KLHL12: variants seen among roughly 807,000 people sequenced by gnomAD.
KLHL12 encodes the protein kelch like family member 12.
KLHL12 carries 17 observed loss-of-function variants against 60.8 expected under a neutral mutation model. The ratio of observed to expected loss-of-function variants is 0.28; its 90% CI spans 0.19 to 0.42. KLHL12 has a LOEUF of 0.42. Ranked by LOEUF, KLHL12 falls within the 10% of genes least tolerant of loss-of-function variation. KLHL12 has a pLI of 1.00. For missense variants in KLHL12, 468 were observed against 722.3 expected, an observed-to-expected ratio of 0.65 and a Z score of 4.04; for synonymous variants, 220 against 250.9, an observed-to-expected ratio of 0.88 and a Z score of 1.16.
intron 2 of KLHL12, 32 bp downstream of exon 2, chr1:202,924,936 T>C (rs746191035): frequency 6.3e-7 from 1 of 1,595,520 alleles, no homozygotes; most frequent in Non-Finnish European, 8.5e-7. Context: ...GTTCCACGGG[T>C]TTCATTTGTG....
Position 202,893,485 on chromosome 1 carries a change from A to T in KLHL12, c.1394-60T>A, listed in dbSNP as rs544107965. ...ACTAAGCCTAGAATCTGAATTATAG[A>T]AATAAACTACGGTCACTAATGACTA... On this transcript the variant is annotated intron_variant, in intron 10 of 11. Coordinates refer to ENST00000367261, the MANE Select transcript of KLHL12 (RefSeq NM_021633.4). The surrounding 1 kb of genome is among the most constrained non-coding windows in gnomAD (Gnocchi z 4.1). 6.4e-6 allele frequency: 9 copies of T among 1,417,150 alleles called. No individual in the cohort carries two copies. The highest frequency in any genetic ancestry group is 8.8e-6 in the Non-Finnish European group (9 of 1,025,608). 87.8% of individuals were successfully genotyped at this position (1,417,150 alleles called of 1,614,324 possible). A position where few individuals can be genotyped will look rare whatever the true frequency, so the allele number is the denominator to read the frequency against.
chr1:202,905,949 T>A (rs543185396), intron 6 of KLHL12, among the ~76,000 whole-genome samples: 1 of 135,944 alleles, frequency 7.4e-6, no homozygotes, highest in South Asian at 2.6e-4. Context: ...GAACTACAGG[T>A]GCCCGCCACC....
intron 4 of KLHL12, among the ~76,000 whole-genome samples, chr1:202,911,576 T>C (rs1660361924): frequency 6.6e-6 from 1 of 152,092 alleles, no homozygotes; most frequent in Admixed American, 6.6e-5. Context: ...TCTATAACTT[T>C]AAGGAAGGCA....
Position 202,911,153 on chromosome 1 carries a change from A to G in KLHL12, c.618T>C (p.His206=), listed in dbSNP as rs562656502. 7.3e-5 allele frequency: 118 copies of G among 1,614,048 alleles called. No homozygotes were observed. The highest frequency in any genetic ancestry group is 9.6e-5 in the Non-Finnish European group (113 of 1,180,048). ...AGGATTCTTCCCGCTCTTTCTTGGC[A>G]TGCTTCACCCAGTTGATGACAGCCT... is the stretch of plus-strand genomic sequence containing the variant. ...VFEAVINWVK[H]AKKEREESLP... The change falls in exon 5 of 12, where the codon CAT becomes CAC. Residue 206 remains histidine (H), a synonymous_variant. Transcript: ENST00000367261.
intron 2 of KLHL12, 141 bp from the exon 3 acceptor site, chr1:202,920,049 C>T (rs1660638803): frequency 2.6e-6 from 2 of 759,956 alleles, no homozygotes; most frequent in African/African-American, 3.6e-5. Flanking sequence ...CGTGGTGGCT[C>T]ATGCCTGTAA....
At chr1:202,899,797 T>C (rs547090313) in intron 6 of KLHL12, among the ~76,000 whole-genome samples, 69 of 144,976 alleles carry the variant, frequency 4.8e-4, no homozygotes, top group African/African-American at 1.7e-3. Context: ...CACTCCAGAC[T>C]AGGCAACAGA....
chr1:202,916,542 G>A (rs1035225308), intron 4 of KLHL12, among the ~76,000 whole-genome samples: 3 of 152,204 alleles, frequency 2.0e-5, no homozygotes, highest in African/African-American at 7.2e-5. Context: ...TACCTGGGAG[G>A]CCGAGGCAGG....
rs1308286846 is a variant in KLHL12, at chr1:202,891,935, T to C, written c.*598A>G. The C allele has an allele frequency of 6.6e-6, 1 of 152,226 alleles. No homozygotes were observed. Among genetic ancestry groups the C allele is most frequent in the Non-Finnish European group, 1.5e-5 (1 of 68,056 alleles). The allele number at this position is 152,226 out of a possible 1,614,324, so 9.4% of individuals were successfully genotyped here. A position where few individuals can be genotyped will look rare whatever the true frequency, so the allele number is the denominator to read the frequency against. On this transcript the variant is annotated 3_prime_UTR_variant, in exon 12 of 12. Transcript: ENST00000367261. Reference sequence around the variant, plus strand: ...CTTAATTCTAACTTCAATTCTGATATACAAATCCTGACCTCCAAAAGAAGT... The same window carrying C: ...CTTAATTCTAACTTCAATTCTGATACACAAATCCTGACCTCCAAAAGAAGT...
At chr1:202,925,460 C>T (rs923601493) in intron 1 of KLHL12, among the ~76,000 whole-genome samples, 1 of 152,136 alleles carries the variant, frequency 6.6e-6, no homozygotes, top group African/African-American at 2.4e-5. Flanking sequence ...ATGATCAATG[C>T]TGAAATGTAA....
intron 5 of KLHL12, among the ~76,000 whole-genome samples, chr1:202,910,132 T>C (rs927356137): frequency 6.6e-6 from 1 of 152,224 alleles, no homozygotes; most frequent in African/African-American, 2.4e-5. Flanking sequence ...TTTCACATAG[T>C]AACTTACTCA....
At chr1:202,915,305 C>A (rs1475021821) in intron 4 of KLHL12, among the ~76,000 whole-genome samples, 2 of 152,160 alleles carry the variant, frequency 1.3e-5, no homozygotes, top group Non-Finnish European at 2.9e-5. Flanking sequence ...AATATGACAT[C>A]CTGCTTCCCA....
At chr1:202,927,356 G>C (rs544463297), upstream of KLHL12, 2 of 775,392 alleles carry the variant, frequency 2.6e-6, no homozygotes, top group Non-Finnish European at 3.1e-6. Context: ...CTAGCGCGGG[G>C]CTTCTGTACG....
rs1283801167 is a variant in KLHL12, at chr1:202,891,125, G to C, written c.*1408C>G. On this transcript the variant is annotated 3_prime_UTR_variant, in exon 12 of 12. Coordinates refer to ENST00000367261, the MANE Select transcript of KLHL12 (RefSeq NM_021633.4). ...TTAGCCACAAACTCTCGGCATTTGA[G>C]ACCGTTGATTTTTAATATTTTCTTA... 1.3e-5 allele frequency: 2 copies of C among 151,946 alleles called. No homozygotes were observed. The highest frequency in any genetic ancestry group is 4.9e-5 in the African/African-American group (2 of 41,166). 9.4% of individuals were successfully genotyped at this position (151,946 alleles called of 1,614,324 possible).
intron 6 of KLHL12, among the ~76,000 whole-genome samples, chr1:202,902,098 A>G (rs1660024031): frequency 6.6e-6 from 1 of 152,204 alleles, no homozygotes; most frequent in African/African-American, 2.4e-5. Context: ...ACCAAAATGT[A>G]ACATAATTTC....
intron 6 of KLHL12, among the ~76,000 whole-genome samples, chr1:202,904,598 A>AT (rs1181584605): frequency 1.3e-5 from 2 of 152,098 alleles, no homozygotes; most frequent in Non-Finnish European, 2.9e-5. Context: ...GTTAAGTGAG[A>AT]TTTTTATCTT....
At chr1:202,899,578 C>A (rs1239968640) in intron 6 of KLHL12, among the ~76,000 whole-genome samples, 1 of 151,976 alleles carries the variant, frequency 6.6e-6, no homozygotes, top group East Asian at 1.9e-4. Flanking sequence ...GTAATCCTAG[C>A]ACTTTGGGAG....
Position 202,895,110 on chromosome 1 carries a change from G to A in KLHL12, c.1136-361C>T, listed in dbSNP as rs148773696. 1.3e-3 allele frequency among the ~76,000 whole-genome samples: 200 copies of A among 152,210 alleles called. No homozygotes were observed. The highest frequency in any genetic ancestry group is 4.4e-3 in the African/African-American group (181 of 41,528). ...CTGAAAGCAAAAAGGAGTATTTGTC[G>A]GCTGGGCACAGTGGCTCACACCTGT... On this transcript the variant is annotated intron_variant, in intron 8 of 11. Coordinates refer to ENST00000367261, the MANE Select transcript of KLHL12 (RefSeq NM_021633.4). The surrounding 1 kb of genome is among the most constrained non-coding windows in gnomAD (Gnocchi z 4.2).
chr1:202,924,863 C>T (rs1187576559), intron 2 of KLHL12, 105 bp downstream of exon 2: 1 of 1,313,780 alleles, frequency 7.6e-7, no homozygotes, highest in Non-Finnish European at 1.0e-6. Context: ...AAACATCACA[C>T]TGTAAAAATT....
At chr1:202,898,143 A>G (rs968593012) in intron 6 of KLHL12, among the ~76,000 whole-genome samples, 1 of 152,132 alleles carries the variant, frequency 6.6e-6, no homozygotes, top group Non-Finnish European at 1.5e-5. Flanking sequence ...GCCTCAAGCG[A>G]TACTCCTGCC....
Sources: allele counts gnomAD v4.1 joint callset (sites outside exome capture counted in the v4.1 genomes callset), GRCh38; gene constraint gnomAD v4.1.1; non-coding constraint Gnocchi (gnomAD v3.1); transcripts MANE v1.5; gene names NCBI Gene and HGNC (gene_info 2026-07-23, HGNC 2026-07-21).